The following H2BC26 variants were observed in gnomAD, a reference collection of about 807,000 sequenced individuals.
The protein encoded by H2BC26 is H2B clustered histone 26, also known as histone H2B type 3-B.
the H2BC26 span, chr1:228,458,168 G>A: frequency 6.2e-7 from 1 of 1,613,070 alleles, no homozygotes; most frequent in Non-Finnish European, 8.5e-7. Context: ...CGCCCAAGAA[G>A]GGTTCTAAAA....
At chr1:228,458,429 C>T in the H2BC26 span, 1 of 1,614,172 alleles carries the variant, frequency 6.2e-7, no homozygotes, top group South Asian at 1.1e-5. Context: ...CGGCCGTTCG[C>T]CTGCTGCTGC....
the H2BC26 span, chr1:228,458,209 G>A: frequency 3.7e-6 from 6 of 1,614,044 alleles, no homozygotes; most frequent in Non-Finnish European, 5.1e-6. Flanking sequence ...AAGAAGGACG[G>A]CAAGAAGCGC....
At chr1:228,458,505 A>G in the H2BC26 span, 1 of 1,614,196 alleles carries the variant, frequency 6.2e-7, no homozygotes, top group Non-Finnish European at 8.5e-7. Flanking sequence ...CACCAGCTCC[A>G]AGTGAGGCGT....
At chr1:228,458,487 A>C in the H2BC26 span, 1 of 1,614,212 alleles carries the variant, frequency 6.2e-7, no homozygotes, top group Non-Finnish European at 8.5e-7. Context: ...CAAGGCTGTC[A>C]CCAAGTACAC....
the H2BC26 span, chr1:228,458,272 A>C: frequency 3.7e-6 from 6 of 1,614,222 alleles, no homozygotes; most frequent in Non-Finnish European, 4.2e-6. Flanking sequence ...GTGCTGAAGC[A>C]GGTGCACCCC....
the H2BC26 span, chr1:228,458,498 C>T: frequency 1.5e-5 from 24 of 1,614,086 alleles, no homozygotes; most frequent in Non-Finnish European, 2.0e-5. Context: ...CCAAGTACAC[C>T]AGCTCCAAGT....
the H2BC26 span, chr1:228,458,531 AC>A: frequency 1.2e-5 from 19 of 1,613,906 alleles, no homozygotes; most frequent in Non-Finnish European, 1.6e-5. Context: ...GGCGTCCTGA[AC>A]CCAAAGGCTC....
the H2BC26 span, chr1:228,458,155 C>T: frequency 1.9e-6 from 3 of 1,610,416 alleles, no homozygotes; most frequent in Non-Finnish European, 2.5e-6. Flanking sequence ...AAATCGGCTC[C>T]TGCGCCCAAG....
chr1:228,458,284 A>C, the H2BC26 span: 1 of 1,614,184 alleles, frequency 6.2e-7, no homozygotes, highest in Non-Finnish European at 8.5e-7. Context: ...GTGCACCCCG[A>C]CACCGGCATC....
At chr1:228,458,526 C>T in the H2BC26 span, 3 of 1,613,994 alleles carry the variant, frequency 1.9e-6, no homozygotes, top group South Asian at 1.1e-5. Flanking sequence ...TCCTCGGCGT[C>T]CTGAACCCAA....
the H2BC26 span, chr1:228,458,390 C>T: frequency 1.9e-6 from 3 of 1,614,230 alleles, no homozygotes; most frequent in Non-Finnish European, 2.5e-6. Flanking sequence ...ACAACAAGCG[C>T]TCCACCATCA....
At chr1:228,458,315 C>T in the H2BC26 span, 268 of 1,614,138 alleles carry the variant, frequency 1.7e-4, no homozygotes, top group Non-Finnish European at 5.6e-5. Flanking sequence ...CCATGGGCAT[C>T]ATGAACTCCT....
the H2BC26 span, chr1:228,458,133 C>CT: frequency 6.2e-7 from 1 of 1,602,066 alleles, no homozygotes; most frequent in Non-Finnish European, 8.5e-7. Context: ...AGCCATCATG[C>CT]CAGACCCGTC....
the H2BC26 span, chr1:228,458,451 G>C: frequency 6.2e-7 from 1 of 1,614,056 alleles, no homozygotes; most frequent in African/African-American, 1.3e-5. Flanking sequence ...CGGCGAGCTG[G>C]CCAAGCACGC....
At chr1:228,458,321 C>T in the H2BC26 span, 3 of 1,614,128 alleles carry the variant, frequency 1.9e-6, no homozygotes, top group Non-Finnish European at 2.5e-6. Flanking sequence ...GCATCATGAA[C>T]TCCTTCGTCA....
At chr1:228,458,158 C>G in the H2BC26 span, 6 of 1,610,442 alleles carry the variant, frequency 3.7e-6, no homozygotes, top group Admixed American at 8.4e-5. Flanking sequence ...TCGGCTCCTG[C>G]GCCCAAGAAG....
chr1:228,458,262 G>T, the H2BC26 span: 2 of 1,614,186 alleles, frequency 1.2e-6, no homozygotes, highest in Non-Finnish European at 1.7e-6. Context: ...CGTGTACAAG[G>T]TGCTGAAGCA....
the H2BC26 span, chr1:228,458,187 A>G: frequency 2.5e-6 from 4 of 1,613,960 alleles, no homozygotes; most frequent in South Asian, 2.2e-5. Flanking sequence ...AAAGGCTGTC[A>G]CCAAGGCACA....
At chr1:228,458,105 TTC>T in the H2BC26 span, 230 of 1,553,366 alleles carry the variant, frequency 1.5e-4, 4 homozygotes, top group African/African-American at 2.5e-3. Context: ...CGCCGCGCGT[TTC>T]TGTTTGGAGA....
Sources: allele counts gnomAD v4.1 joint callset, GRCh38; gene constraint gnomAD v4.1.1; transcripts MANE v1.5; gene names NCBI Gene and HGNC (gene_info 2026-07-23, HGNC 2026-07-21).